The following MVP variants were observed in gnomAD, a reference collection of about 807,000 sequenced individuals.
MVP encodes lung resistance-related protein.
MVP carries 62 observed loss-of-function variants against 83.5 expected under a neutral mutation model. That is an observed-to-expected ratio of 0.74 (90% CI 0.61 to 0.92). The LOEUF (loss-of-function observed/expected upper bound fraction) is 0.92, where lower values mean the gene tolerates loss of function less well. MVP is among the 40% of genes least tolerant of loss of function. The pLI, the probability that MVP is intolerant of heterozygous loss-of-function variation, is 0.00. For synonymous variants in MVP, 505 were observed against 504.1 expected, an observed-to-expected ratio of 1.00 and a Z score of -0.02; for missense variants, 1,000 against 1,203.4, an observed-to-expected ratio of 0.83 and a Z score of 2.50.
Position 29,844,372 on chromosome 16 carries a change from G to A in MVP, c.1635-121G>A, listed in dbSNP as rs1596928590. The A allele has an allele frequency of 1.1e-5, 15 of 1,332,116 alleles. No homozygotes were observed. In the East Asian group the frequency reaches 3.6e-4, roughly 32 times the overall value. The allele number at this position is 1,332,116 out of a possible 1,614,324, so 82.5% of individuals were successfully genotyped here. A position where few individuals can be genotyped will look rare whatever the true frequency, so the allele number is the denominator to read the frequency against. On this transcript the variant is annotated intron_variant, in intron 10 of 14. Coordinates refer to ENST00000357402, the MANE Select transcript of MVP (RefSeq NM_005115.5). ...CCAGCACTTTGGGAGGCTGAGGTTG[G>A]GGGGTTGCCTGAGCCCAGGAGTTCA...
chr16:29,836,697 A>C, intron 6 of MVP, 25 bp from the exon 7 acceptor site: 5 of 1,526,362 alleles, frequency 3.3e-6, no homozygotes, highest in Non-Finnish European at 4.4e-6. Context: ...CAGGTCACTC[A>C]AATACCCAAC....
intron 7 of MVP, among the ~76,000 whole-genome samples, chr16:29,837,735 TAG>T (rs780295875): frequency 6.6e-6 from 1 of 151,684 alleles, no homozygotes; most frequent in African/African-American, 2.4e-5. Flanking sequence ...GCCTGGGCGA[TAG>T]AGTGAGACTC....
intron 10 of MVP, among the ~76,000 whole-genome samples, chr16:29,843,307 C>T (rs891723037): frequency 6.7e-6 from 1 of 149,746 alleles, no homozygotes; most frequent in African/African-American, 2.5e-5. Context: ...GGCTGGGCAA[C>T]ATAACAAGAC....
chr16:29,820,761 C>A (rs951772197), intron 1 of MVP: 1 of 152,384 alleles, frequency 6.6e-6, no homozygotes, highest in Admixed American at 6.5e-5. Context: ...CCCCCACCCC[C>A]CTGCAACTCT....
rs2067434661 is a variant in MVP, at chr16:29,830,679, GTGTGGGGGCTGGGC to G, written c.125+14_125+27del. 2 of 1,613,826 alleles carry G rather than the reference GTGTGGGGGCTGGGC, an allele frequency of 1.2e-6. No homozygotes were observed. The highest frequency in any genetic ancestry group is 8.5e-7 in the Non-Finnish European group (1 of 1,179,888). On this transcript the variant is annotated splice_donor_region_variant and intron_variant, in intron 2 of 14. Transcript: ENST00000357402. Reference sequence around the variant, plus strand: ...CATCCGGCAGGACAATGAGAGGTGGGTGTGGGGGCTGGGCTGTGGGGGATCCTTGGGGATGTGGG... The same window carrying G: ...CATCCGGCAGGACAATGAGAGGTGGGTGTGGGGGATCCTTGGGGATGTGGG...
At chr16:29,823,801 C>A (rs190825117) in intron 1 of MVP, among the ~76,000 whole-genome samples, 139 of 149,888 alleles carry the variant, frequency 9.3e-4, no homozygotes, top group Non-Finnish European at 1.4e-3. Context: ...GAGATCGTGC[C>A]ACTGCACTCC....
At chr16:29,824,947 G>A (rs1485127291) in intron 1 of MVP, among the ~76,000 whole-genome samples, 1 of 147,692 alleles carries the variant, frequency 6.8e-6, no homozygotes, top group African/African-American at 2.5e-5. Context: ...TTGCTATGTT[G>A]CCCAAGCTGG....
chr16:29,832,640 C>T (rs986034244), intron 3 of MVP, among the ~76,000 whole-genome samples: 7 of 145,422 alleles, frequency 4.8e-5, no homozygotes, highest in East Asian at 2.1e-4. Flanking sequence ...GTTGCCTAGA[C>T]GAGAGTGCAG....
At chr16:29,838,553 C>G (rs895979987) in intron 7 of MVP, among the ~76,000 whole-genome samples, 3 of 152,076 alleles carry the variant, frequency 2.0e-5, no homozygotes, top group African/African-American at 7.2e-5. Context: ...GCAGGCCAGG[C>G]GCAACAGCTC....
intron 1 of MVP, among the ~76,000 whole-genome samples, chr16:29,825,188 C>T (rs2067396392): frequency 6.6e-6 from 1 of 152,170 alleles, no homozygotes; most frequent in African/African-American, 2.4e-5. Context: ...AGCCTCATGA[C>T]ACCTGAGGGA....
intron 3 of MVP, among the ~76,000 whole-genome samples, chr16:29,832,786 C>T (rs533596496): frequency 6.6e-5 from 10 of 151,558 alleles, no homozygotes; most frequent in Admixed American, 1.3e-4. Flanking sequence ...TATGTTCAGC[C>T]GGGCACAGTG....
rs1371569619 is a variant in MVP at position 29,831,060 on chromosome 16, A to G, written c.308A>G (p.Glu103Gly). The part of the protein sequence containing the change: ...AQDPFPLYPG[E>G]VLEKDITPLQ... The stretch of plus-strand genomic sequence containing the variant: ...GACCCCTTCCCCCTGTACCCAGGGG[A>G]GGTGCTGGAAAAGGTACCTGGTTTC... The change falls in exon 3 of 15, where the codon GAG becomes GGG. Residue 103 changes from glutamate to glycine, a missense_variant. Transcript: ENST00000357402. The G allele has an allele frequency of 1.9e-6, 3 of 1,611,892 alleles. No individual in the cohort carries two copies. The highest frequency in any genetic ancestry group is 1.7e-6 in the Non-Finnish European group (2 of 1,179,744).
intron 10 of MVP, among the ~76,000 whole-genome samples, chr16:29,843,551 AGGG>A (rs2067553427): frequency 6.5e-5 from 1 of 15,310 alleles, no homozygotes; most frequent in Non-Finnish European, 1.2e-4. Flanking sequence ...GGAGGAAGGG[AGGG>A]AGGGAGGGAG....
intron 7 of MVP, among the ~76,000 whole-genome samples, chr16:29,837,561 C>T (rs1286159138): frequency 6.6e-6 from 1 of 152,162 alleles, no homozygotes; most frequent in Non-Finnish European, 1.5e-5. Flanking sequence ...CGAGACTAGC[C>T]TGGCCAACGT....
rs1041880578 is a variant in MVP, at chr16:29,847,811, G to C, written c.2504G>C (p.Gly835Ala). ...LGLKSTLITD[G>A]STPINLFNTA... The stretch of plus-strand genomic sequence containing the variant: ...CTGAAATCAACCCTCATCACCGATG[G>C]CTCCACTCCCATCAACCTCTTCAAC... The change falls in exon 15 of 15, where the codon GGC becomes GCC. Residue 835 changes from glycine to alanine, a missense_variant. Physicochemically the swap from Gly to Ala is moderately conservative, Grantham distance 60. Coordinates refer to ENST00000357402, the MANE Select transcript of MVP (RefSeq NM_005115.5). 6.2e-7 allele frequency: 1 copy of C among 1,614,172 alleles called. No individual in the cohort carries two copies. Among genetic ancestry groups the C allele is most frequent in the Non-Finnish European group, 8.5e-7 (1 of 1,180,030 alleles).
chr16:29,834,176 C>A, intron 5 of MVP, 110 bp downstream of exon 5: 1 of 1,453,114 alleles, frequency 6.9e-7, no homozygotes. Context: ...AGGCGCTTTC[C>A]TGGTATCTTT....
In MVP at chr16:29,844,737, G is replaced by C. The variant is rs1432354828; in HGVS notation, c.1879G>C (p.Val627Leu). 2 of 1,613,092 alleles carry C rather than the reference G, an allele frequency of 1.2e-6. No homozygotes were observed. The highest frequency in any genetic ancestry group is 1.7e-6 in the Non-Finnish European group (2 of 1,179,998). ...MALPRPRDQAVFPQNGLVVSS... is the reference protein window; with the variant it reads ...MALPRPRDQALFPQNGLVVSS... ...CCTGCCCAGGCCCCGGGACCAGGCT[G>C]TCTTCCCCCAAAACGGGCTGGTGGT... Residue 627 changes from valine to leucine, a missense_variant, in exon 11 of 15, where the codon GTC becomes CTC. Transcript: ENST00000357402.
chr16:29,841,662 C>A lies in MVP; in HGVS notation c.1258C>A (p.Pro420Thr). ...QDEVLWEKEL[P>T]PGVEELLNKG... ...CGAAGTCCTGTGGGAGAAAGAGCTG[C>A]CTCCCGGGGTGGAGGAGCTGCTGAA... Residue 420 changes from proline to threonine, a missense_variant, in exon 9 of 15, where the codon CCT becomes ACT. Physicochemically the swap from Pro to Thr is conservative, Grantham distance 38 (BLOSUM62 -1). Transcript: ENST00000357402. The surrounding 1 kb of genome is among the most constrained non-coding windows in gnomAD (Gnocchi z 4.7). 6.2e-7 allele frequency: 1 copy of A among 1,611,522 alleles called. No homozygotes were observed. The highest frequency in any genetic ancestry group is 1.3e-5 in the African/African-American group (1 of 74,912).
chr16:29,824,085 G>A (rs1189954021), intron 1 of MVP, among the ~76,000 whole-genome samples: 4 of 151,134 alleles, frequency 2.6e-5, no homozygotes, highest in South Asian at 2.1e-4. Flanking sequence ...GTGTGGTGGC[G>A]GACATCTGTA....
Sources: gnomAD v4.1 joint callset for allele counts (sites outside exome capture counted in the v4.1 genomes callset) on GRCh38, gnomAD v4.1.1 for gene constraint, Gnocchi (gnomAD v3.1) non-coding constraint, MANE v1.5 for transcripts, NCBI Gene and HGNC (gene_info 2026-07-23, HGNC 2026-07-21) for gene names.